Variants in CUX1 observed in about 807,000 individuals in gnomAD.
CUX1 encodes protein CASP.
In CUX1, 31 loss-of-function variants were observed where a neutral mutation model predicts 158.8. The ratio of observed to expected loss-of-function variants is 0.20; its 90% CI spans 0.15 to 0.26. The LOEUF is 0.26. Ranked by LOEUF, CUX1 falls within the 10% of genes least tolerant of loss-of-function variation. The pLI, the probability that CUX1 is intolerant of heterozygous loss-of-function variation, is 1.00. For missense variants in CUX1, 1,589 were observed against 2,014.6 expected, an observed-to-expected ratio of 0.79 and a Z score of 4.04; for synonymous variants, 879 against 862.1, an observed-to-expected ratio of 1.02 and a Z score of -0.34.
intron 1 of CUX1, among the ~76,000 whole-genome samples, chr7:101,824,957 T>C (rs749225037): frequency 3.3e-4 from 50 of 152,338 alleles, no homozygotes; most frequent in Non-Finnish European, 6.3e-4. Flanking sequence ...TGGCAGATAA[T>C]GGTGAAACAT....
At chr7:101,929,563 G>A (rs1806058720) in intron 2 of CUX1, among the ~76,000 whole-genome samples, 1 of 152,216 alleles carries the variant, frequency 6.6e-6, no homozygotes, top group Non-Finnish European at 1.5e-5. Flanking sequence ...TTTTAAAGGT[G>A]TAACGGCTAA....
chr7:102,236,527 C>T (rs537018399), intron 22 of CUX1, among the ~76,000 whole-genome samples: 10 of 152,336 alleles, frequency 6.6e-5, no homozygotes, highest in Admixed American at 3.9e-4. Flanking sequence ...CCTCCCATCT[C>T]GGCCTCCCAA....
chr7:102,170,519 TG>T lies in CUX1; in HGVS notation c.799del (p.Ala267ProfsTer14). 6.3e-7 allele frequency: 1 copy of T among 1,587,430 alleles called. No homozygotes were observed. The highest frequency in any genetic ancestry group is 1.2e-5 in the South Asian group (1 of 86,670). ...QLSSANHSLQ[L>X]ASQIQKAPDV... ...TCATCGGCCAATCACTCCCTCCAGC[TG>T]GCCTCACAGATCCAGAAGGCACCAG... On this transcript the variant is annotated frameshift_variant, in exon 10 of 24. Coordinates refer to ENST00000292535, the MANE Select transcript of CUX1 (RefSeq NM_181552.4). LOFTEE classifies it high-confidence loss of function.
At chr7:102,113,408 G>A (rs1303124579) in intron 7 of CUX1, among the ~76,000 whole-genome samples, 13 of 150,028 alleles carry the variant, frequency 8.7e-5, no homozygotes, top group African/African-American at 2.2e-4. Context: ...CGTTACAGGC[G>A]CATGCCACCA....
Position 101,865,920 on chromosome 7 carries a change from C to A in CUX1, c.30+48251C>A, listed in dbSNP as rs183909195. Among the ~76,000 whole-genome samples, 711 of 152,238 alleles carry A rather than the reference C, an allele frequency of 4.7e-3. 5 individuals are homozygous for A. Among genetic ancestry groups the A allele is most frequent in the African/African-American group, 0.016 (645 of 41,524 alleles). On this transcript the variant is annotated intron_variant, in intron 1 of 23. Transcript: ENST00000292535. ...ACCTTGGCAACGCAGGCGACCTTGACGTCGACCAAAAGAAGAGAGATTTGG... is the reference window on the plus strand; with the variant it reads ...ACCTTGGCAACGCAGGCGACCTTGAAGTCGACCAAAAGAAGAGAGATTTGG...
intron 2 of CUX1, among the ~76,000 whole-genome samples, chr7:101,932,820 T>C (rs1806437106): frequency 6.6e-6 from 1 of 152,212 alleles, no homozygotes; most frequent in Admixed American, 6.5e-5. Flanking sequence ...ATAAAGAAAT[T>C]AAAGTAAAAA....
intron 3 of CUX1, among the ~76,000 whole-genome samples, chr7:102,034,145 CAAAAAAAAAAAA>C (rs10655613): frequency 1.6e-4 from 8 of 48,624 alleles, no homozygotes; most frequent in Admixed American, 3.7e-4. Context: ...GACTCCATCT[CAAAAAAAAAAAA>C]AAAAAAAAAA....
chr7:102,201,530 C>T lies in CUX1; in HGVS notation c.2233C>T (p.Leu745Phe), dbSNP rs1554519715. 2.5e-6 allele frequency: 4 copies of T among 1,614,084 alleles called. No homozygotes were observed. Among genetic ancestry groups the T allele is most frequent in the African/African-American group, 2.7e-5 (2 of 74,930 alleles). ...TGACATCACCATCCTCACCCCCAAGCTTCTGTCCACCTCGCCCATGCCCAC... is the reference window on the plus strand; with the variant it reads ...TGACATCACCATCCTCACCCCCAAGTTTCTGTCCACCTCGCCCATGCCCAC... ...QSDITILTPK[L>F]LSTSPMPTVS... The change falls in exon 18 of 24, where the codon CTT (leucine) becomes TTT (phenylalanine). Residue 745 changes from leucine (L) to phenylalanine (F), a missense_variant. Coordinates refer to ENST00000292535, the MANE Select transcript of CUX1 (RefSeq NM_181552.4). This position sits in a 1 kb window ranked among gnomAD's most constrained non-coding sequence, Gnocchi z 5.0.
intron 2 of CUX1, among the ~76,000 whole-genome samples, chr7:101,928,831 C>T (rs543781520): frequency 0.022 from 3,278 of 151,120 alleles, 117 homozygotes; most frequent in African/African-American, 0.071. Context: ...CCACTACGCC[C>T]GGCTAATTTT....
At chr7:102,230,909 G>A (rs138837561) in intron 21 of CUX1, among the ~76,000 whole-genome samples, 2,456 of 152,148 alleles carry the variant, frequency 0.016, 62 homozygotes, top group African/African-American at 0.055. Context: ...TGCCCAGGCC[G>A]GAGTGCAGTG....
intron 1 of CUX1, among the ~76,000 whole-genome samples, chr7:101,896,230 C>G (rs540170496): frequency 3.6e-4 from 55 of 152,148 alleles, no homozygotes; most frequent in African/African-American, 1.3e-3. Context: ...CAGACCACAG[C>G]CAGCAGTCTT....
At chr7:101,983,439 C>G (rs1259314030) in intron 2 of CUX1, among the ~76,000 whole-genome samples, 2 of 152,170 alleles carry the variant, frequency 1.3e-5, no homozygotes, top group African/African-American at 4.8e-5. Flanking sequence ...CTGTGCCCAC[C>G]CTGGGGTGCC....
chr7:101,845,423 C>G (rs1421965814), intron 1 of CUX1, among the ~76,000 whole-genome samples: 1 of 152,138 alleles, frequency 6.6e-6, no homozygotes, highest in Non-Finnish European at 1.5e-5. Flanking sequence ...ATTGTTGAGA[C>G]AGGCGATGGG....
chr7:101,903,915 G>A (rs938086616), intron 1 of CUX1, among the ~76,000 whole-genome samples: 4 of 152,054 alleles, frequency 2.6e-5, no homozygotes, highest in African/African-American at 7.2e-5. Context: ...AACTTTGTAC[G>A]CGTAGCTTTT....
intron 4 of CUX1, among the ~76,000 whole-genome samples, chr7:102,092,912 CAAAA>C (rs60587564): frequency 0.13 from 9,529 of 74,704 alleles, 568 homozygotes; most frequent in African/African-American, 0.22. Context: ...GACTCCGTCT[CAAAA>C]AAAAAAAAAA....
chr7:101,825,572 G>T lies in CUX1; in HGVS notation c.30+7903G>T, dbSNP rs181034743. Reference sequence around the variant, plus strand: ...CCACCTGGTCCTCAGCCCTGGTCCCGCAGTTTGTCATCCCGCAGTTTGTCA... The same window carrying T: ...CCACCTGGTCCTCAGCCCTGGTCCCTCAGTTTGTCATCCCGCAGTTTGTCA... On this transcript the variant is annotated intron_variant, in intron 1 of 23. Coordinates refer to ENST00000292535, the MANE Select transcript of CUX1 (RefSeq NM_181552.4). Among the ~76,000 whole-genome samples the T allele has an allele frequency of 3.0e-3, 460 of 152,258 alleles. 1 individual carries two copies. Among genetic ancestry groups the T allele is most frequent in the African/African-American group, 0.01 (436 of 41,550 alleles).
intron 2 of CUX1, among the ~76,000 whole-genome samples, chr7:102,000,148 G>A (rs986682523): frequency 1.3e-5 from 2 of 152,050 alleles, no homozygotes; most frequent in South Asian, 2.1e-4. Flanking sequence ...TCCGGGCGGC[G>A]GAGGTTGTAG....
chr7:101,827,244 CCTT>C (rs1311886942), intron 1 of CUX1, among the ~76,000 whole-genome samples: 4 of 129,676 alleles, frequency 3.1e-5, no homozygotes, highest in Non-Finnish European at 6.3e-5. Context: ...CCCCTCCCCT[CCTT>C]CTCTTCTCTT....
rs869202667 is a variant in CUX1, at chr7:102,073,165, CTTTTTTTTTTTT to C, written c.268+2761_268+2772del. On this transcript the variant is annotated intron_variant, in intron 4 of 23. Coordinates refer to ENST00000292535, the MANE Select transcript of CUX1 (RefSeq NM_181552.4). ...AAATAATATGTAATCTCTTTTCTTT[CTTTTTTTTTTTT>C]TTTTTTTTTTTTCTGAGACAGAGTC... Among the ~76,000 whole-genome samples the C allele has an allele frequency of 1.0e-4, 7 of 66,890 alleles. 1 individual carries two copies. The Admixed American group carries it at 1.4e-3, about 14-fold the overall frequency. The allele number at this position is 66,890 out of a possible 152,430, so 43.9% of individuals were successfully genotyped here. A position where few individuals can be genotyped will look rare whatever the true frequency, so the allele number is the denominator to read the frequency against.
Sources: gnomAD v4.1 joint callset for allele counts (sites outside exome capture counted in the v4.1 genomes callset) on GRCh38, gnomAD v4.1.1 for gene constraint, Gnocchi (gnomAD v3.1) non-coding constraint, MANE v1.5 for transcripts, NCBI Gene and HGNC (gene_info 2026-07-23, HGNC 2026-07-21) for gene names.